SLIT3: variants seen among roughly 807,000 people sequenced by gnomAD.
SLIT3 encodes slit homolog 3 protein.
A neutral mutation model predicts 184.0 loss-of-function variants in SLIT3; 68 were observed. The ratio of observed to expected loss-of-function variants is 0.37; its 90% CI spans 0.30 to 0.45. The LOEUF (loss-of-function observed/expected upper bound fraction) is 0.45, where lower values mean the gene tolerates loss of function less well. Ranked by LOEUF, SLIT3 falls within the 20% of genes least tolerant of loss-of-function variation. The pLI is 1.00. For synonymous variants in SLIT3, 831 were observed against 828.6 expected (o/e 1.00, Z -0.05); for missense variants, 1,707 against 2,026.0 (o/e 0.84, Z 3.02).
chr5:168,784,047 G>A (rs1371531347), intron 12 of SLIT3, among the ~76,000 whole-genome samples: 3 of 152,106 alleles, frequency 2.0e-5, no homozygotes, highest in Non-Finnish European at 4.4e-5. Context: ...TAGGCACTGT[G>A]ATACACATTC....
At chr5:169,049,295 T>C (rs559942616) in intron 4 of SLIT3, among the ~76,000 whole-genome samples, 1 of 152,320 alleles carries the variant, frequency 6.6e-6, no homozygotes, top group Admixed American at 6.5e-5. Flanking sequence ...ATTCACTATG[T>C]TCGACGTGGT....
chr5:168,895,087 A>G lies in SLIT3; in HGVS notation c.414-11751T>C, dbSNP rs917349675. Among the ~76,000 whole-genome samples, 3 of 152,294 alleles carry G rather than the reference A, an allele frequency of 2.0e-5. No homozygotes were observed. In the South Asian group the frequency reaches 6.2e-4, roughly 32 times the overall value. ...GGTGAGGAGGTAAGAAAAAGAGAGGAAGTCAGCGGGCTAAGGCACTGCAGT... is the reference window on the plus strand; with the variant it reads ...GGTGAGGAGGTAAGAAAAAGAGAGGGAGTCAGCGGGCTAAGGCACTGCAGT... On this transcript the variant is annotated intron_variant, in intron 4 of 35. Transcript: ENST00000519560.
At chr5:168,716,393 G>A (rs1762731477) in intron 23 of SLIT3, among the ~76,000 whole-genome samples, 1 of 152,082 alleles carries the variant, frequency 6.6e-6, no homozygotes, top group South Asian at 2.1e-4. Context: ...TCTTTGCCCA[G>A]GAGGAAAGCT....
intron 3 of SLIT3, among the ~76,000 whole-genome samples, chr5:169,235,826 T>C (rs758151155): frequency 5.3e-5 from 8 of 152,216 alleles, no homozygotes; most frequent in Admixed American, 3.9e-4. Flanking sequence ...AGATACAAAG[T>C]AATATTTTCA....
At chr5:169,009,198 T>C (rs948846795) in intron 4 of SLIT3, among the ~76,000 whole-genome samples, 1 of 152,086 alleles carries the variant, frequency 6.6e-6, no homozygotes, top group Admixed American at 6.5e-5. Context: ...AGAAGATGGT[T>C]TTCCTCCTCT....
chr5:168,856,837 G>T (rs1179168732), intron 5 of SLIT3, among the ~76,000 whole-genome samples: 9 of 148,322 alleles, frequency 6.1e-5, no homozygotes, highest in Non-Finnish European at 1.5e-5. Flanking sequence ...GTTCAGACTG[G>T]TTCTCAGAGA....
chr5:169,135,834 G>T (rs2113328392), intron 4 of SLIT3, among the ~76,000 whole-genome samples: 1 of 152,298 alleles, frequency 6.6e-6, no homozygotes, highest in Admixed American at 6.5e-5. Context: ...AGGCCAGGAA[G>T]GTTTTTCTAA....
At chr5:169,154,259 C>T (rs573463521) in intron 4 of SLIT3, among the ~76,000 whole-genome samples, 4 of 152,314 alleles carry the variant, frequency 2.6e-5, no homozygotes, top group East Asian at 3.9e-4. Context: ...CGTGCCTGGC[C>T]GATGCTGCCA....
intron 7 of SLIT3, among the ~76,000 whole-genome samples, chr5:168,820,277 C>A (rs1244690761): frequency 2.0e-5 from 3 of 152,168 alleles, no homozygotes; most frequent in Non-Finnish European, 4.4e-5. Flanking sequence ...TTCTTCTGTT[C>A]ACCTGGCACC....
chr5:168,685,333 C>T (rs1761710246), intron 31 of SLIT3, among the ~76,000 whole-genome samples: 1 of 152,236 alleles, frequency 6.6e-6, no homozygotes, highest in African/African-American at 2.4e-5. Context: ...CACTCACAGC[C>T]AGCCACCCAG....
At chr5:168,740,435 G>GT (rs1162123639) in intron 20 of SLIT3, among the ~76,000 whole-genome samples, 1 of 152,192 alleles carries the variant, frequency 6.6e-6, no homozygotes, top group Non-Finnish European at 1.5e-5. Flanking sequence ...CTTTGTTTTT[G>GT]TTTTTTCTTG....
At chr5:168,698,807 T>A (rs1344071193) in intron 27 of SLIT3, among the ~76,000 whole-genome samples, 1 of 152,140 alleles carries the variant, frequency 6.6e-6, no homozygotes, top group Non-Finnish European at 1.5e-5. Context: ...GCCTTAACCT[T>A]CCACCCCATT....
rs1475359674 is a variant in SLIT3, at chr5:169,300,550, C to A, written c.160G>T (p.Ala54Ser). ...TTGCGGGGGATGCCCCGAGGAACCG[C>A]GCGGAGGCCCAGCCCGTGGCAGTCC... Reference protein sequence around the residue: ...SVDCHGLGLRAVPRGIPRNAE... With the variant: ...SVDCHGLGLRSVPRGIPRNAE... The change falls in exon 1 of 36, where the codon GCG becomes TCG. Residue 54 changes from alanine to serine, a missense_variant. Around this residue, in one of 3 missense-constraint regions of SLIT3, gnomAD observed 1,307 missense variants for 1,511.6 expected, o/e 0.86. Coordinates refer to ENST00000519560, the MANE Select transcript of SLIT3 (RefSeq NM_003062.4). The surrounding 1 kb of genome is among the most constrained non-coding windows in gnomAD (Gnocchi z 4.1). The A allele has an allele frequency of 8.6e-6, 13 of 1,509,716 alleles. No individual in the cohort carries two copies. The highest frequency in any genetic ancestry group is 8.8e-7 in the Non-Finnish European group (1 of 1,132,486). The allele number at this position is 1,509,716 out of a possible 1,614,324, so 93.5% of individuals were successfully genotyped here.
At chr5:169,261,420 AAC>A (rs983782023) in intron 1 of SLIT3, among the ~76,000 whole-genome samples, 1 of 152,110 alleles carries the variant, frequency 6.6e-6, no homozygotes. Context: ...TTTCAAGAGA[AAC>A]ACAGATCTTT....
At chr5:169,157,194 G>T (rs1303167118) in intron 4 of SLIT3, among the ~76,000 whole-genome samples, 1 of 152,212 alleles carries the variant, frequency 6.6e-6, no homozygotes, top group Admixed American at 6.5e-5. Context: ...AGCAGAGACT[G>T]TAAGGAGTGG....
chr5:168,776,031 C>G (rs557847394), intron 12 of SLIT3, among the ~76,000 whole-genome samples: 13 of 152,330 alleles, frequency 8.5e-5, no homozygotes, highest in African/African-American at 3.1e-4. Flanking sequence ...AATAAACTAA[C>G]CAGCAGAAAT....
At chr5:169,149,434 C>T (rs551025819) in intron 4 of SLIT3, among the ~76,000 whole-genome samples, 1 of 151,198 alleles carries the variant, frequency 6.6e-6, no homozygotes, top group African/African-American at 2.4e-5. Context: ...GGCTCTTCAC[C>T]TCTGAGGGCT....
At chr5:169,218,111 A>T (rs1764507095) in intron 3 of SLIT3, among the ~76,000 whole-genome samples, 1 of 152,208 alleles carries the variant, frequency 6.6e-6, no homozygotes, top group South Asian at 2.1e-4. Flanking sequence ...TTCCTTGAAG[A>T]TATTTTCATA....
At chr5:169,263,626 A>G (rs531316508) in intron 1 of SLIT3, 1 of 494,056 alleles carries the variant, frequency 2.0e-6, no homozygotes, top group Non-Finnish European at 4.1e-6. Context: ...TAGCATACAG[A>G]TACGCCCAAC....
Sources: gnomAD v4.1 joint callset for allele counts (sites outside exome capture counted in the v4.1 genomes callset) on GRCh38, gnomAD v4.1.1 for gene constraint, gnomAD v4.1.1 regional missense constraint, Gnocchi (gnomAD v3.1) non-coding constraint, MANE v1.5 for transcripts, NCBI Gene and HGNC (gene_info 2026-07-23, HGNC 2026-07-21) for gene names.